GAK: variants seen among roughly 807,000 people sequenced by gnomAD.
GAK encodes cyclin-G-associated kinase.
Under a neutral mutation model 143.9 loss-of-function variants are expected in GAK, and 79 were observed. That is an observed-to-expected ratio of 0.55 (90% CI 0.46 to 0.66). GAK has a LOEUF of 0.66. GAK is among the 30% of genes least tolerant of loss of function. GAK has a pLI of 0.00. For missense variants in GAK, 1,693 were observed against 1,779.7 expected (o/e 0.95, Z 0.88); for synonymous variants, 881 against 765.5 (o/e 1.15, Z -2.49).
At chr4:922,086 C>G (rs1458037011) in intron 1 of GAK, among the ~76,000 whole-genome samples, 1 of 152,182 alleles carries the variant, frequency 6.6e-6, no homozygotes, top group African/African-American at 2.4e-5. Flanking sequence ...GCGGAAGCCC[C>G]AGATGACCCT....
Position 932,190 on chromosome 4 carries a change from C to A in GAK, c.-3G>T. On this transcript the variant is annotated 5_prime_UTR_variant, in exon 1 of 28. Coordinates refer to ENST00000314167, the MANE Select transcript of GAK (RefSeq NM_005255.4). This position sits in a 1 kb window ranked among gnomAD's most constrained non-coding sequence, Gnocchi z 4.0. ...AGCGCCGACTGCAGCAGCGACATGG[C>A]GGTGGCTGCGCCGCACCCCGCGGCA... is the stretch of plus-strand genomic sequence containing the variant. The A allele has an allele frequency of 1.3e-6, 2 of 1,539,952 alleles. No homozygotes were observed. The highest frequency in any genetic ancestry group is 1.7e-6 in the Non-Finnish European group (2 of 1,146,830).
At chr4:868,077 G>C (rs1751537033) in intron 20 of GAK, among the ~76,000 whole-genome samples, 1 of 152,204 alleles carries the variant, frequency 6.6e-6, no homozygotes, top group Non-Finnish European at 1.5e-5. Context: ...GCATCCCTTG[G>C]GGTGTGTCTG....
chr4:885,589 C>T (rs1039749840), intron 11 of GAK, among the ~76,000 whole-genome samples: 1 of 152,160 alleles, frequency 6.6e-6, no homozygotes, highest in African/African-American at 2.4e-5. Context: ...TGTGCTAGGG[C>T]TGCACCGGAT....
intron 17 of GAK, among the ~76,000 whole-genome samples, chr4:876,829 C>T (rs1714005450): frequency 6.6e-6 from 1 of 152,222 alleles, no homozygotes; most frequent in African/African-American, 2.4e-5. Context: ...CTTCACGGGA[C>T]TGCCGTGGGG....
chr4:929,664 C>G (rs1725363401), intron 1 of GAK, among the ~76,000 whole-genome samples: 1 of 148,050 alleles, frequency 6.8e-6, no homozygotes, highest in South Asian at 2.2e-4. Flanking sequence ...TCCTGAGTAA[C>G]AGCAAGACCT....
rs1275373150 is a variant in GAK at position 867,333 on chromosome 4, C to T, written c.2495G>A (p.Gly832Glu). 1 of 1,609,230 alleles carries T rather than the reference C, an allele frequency of 6.2e-7. No individual in the cohort carries two copies. The highest frequency in any genetic ancestry group is 1.7e-5 in the Admixed American group (1 of 59,610). Residue 832 changes from glycine to glutamate, a missense_variant, in exon 21 of 28, where the codon GGG (glycine) becomes GAG (glutamate). Gly to Glu is a moderately conservative substitution (Grantham distance 98). Coordinates refer to ENST00000314167, the MANE Select transcript of GAK (RefSeq NM_005255.4). ...DRDESEVSDE[G>E]GSPISSEGQE... ...GCCCTCGCTGGAGATCGGGGATCCC[C>T]CTTCATCTGACACCTCACTCTCGTC...
intron 9 of GAK, 131 bp from the exon 10 acceptor site, chr4:890,753 G>T: frequency 1.5e-6 from 1 of 671,148 alleles, no homozygotes; most frequent in Non-Finnish European, 2.5e-6. Context: ...ACAGTGCAAG[G>T]GAGGAACTTC....
chr4:910,305 C>A (rs937713962), intron 4 of GAK, among the ~76,000 whole-genome samples: 1 of 134,242 alleles, frequency 7.4e-6, no homozygotes, highest in African/African-American at 2.7e-5. Flanking sequence ...CAGTACAGAG[C>A]CCCCCGCTAA....
intron 23 of GAK, 38 bp downstream of exon 23, chr4:865,084 C>T (rs1369410001): frequency 3.0e-5 from 45 of 1,511,694 alleles, no homozygotes; most frequent in South Asian, 4.7e-5. Flanking sequence ...AGCAGCTGCA[C>T]GTCTGGGAGC....
chr4:926,023 A>G lies in GAK; in HGVS notation c.145+6020T>C, dbSNP rs534518178. 8.6e-5 allele frequency among the ~76,000 whole-genome samples: 13 copies of G among 151,992 alleles called. No individual in the cohort carries two copies. In the South Asian group the frequency reaches 2.7e-3, roughly 31 times the overall value. On this transcript the variant is annotated intron_variant, in intron 1 of 27. Coordinates refer to ENST00000314167, the MANE Select transcript of GAK (RefSeq NM_005255.4). ...TGAGCCCACCCGGGGGTCGTCCCCA[A>G]CAGTGACCTCCCCGAACGTCTAATT... is the stretch of plus-strand genomic sequence containing the variant.
chr4:857,783 G>A (rs1051027019), intron 24 of GAK, among the ~76,000 whole-genome samples: 5 of 151,902 alleles, frequency 3.3e-5, no homozygotes, highest in Non-Finnish European at 5.9e-5. Context: ...CTTTCCTTCC[G>A]CTTGCTGTAG....
At chr4:925,999 G>A (rs768706630) in intron 1 of GAK, among the ~76,000 whole-genome samples, 4 of 152,080 alleles carry the variant, frequency 2.6e-5, no homozygotes, top group Admixed American at 6.6e-5. Flanking sequence ...CCCCAGTGGT[G>A]AGCCCACCCG....
At position 877,177 on chromosome 4, in the gene GAK, C is replaced by T; in HGVS notation, c.1887G>A (p.Val629=). ...RDFKIEDGKA[V]IPLGVTVQGD... Reference sequence around the variant, plus strand: ...CTTGCACCGTGACGCCCAGGGGAATCACCGCTTTGCCATCTTCAATCTTAA... The same window carrying T: ...CTTGCACCGTGACGCCCAGGGGAATTACCGCTTTGCCATCTTCAATCTTAA... The change falls in exon 17 of 28, where the codon GTG becomes GTA. Residue 629 remains valine (V), a synonymous_variant. Transcript: ENST00000314167. 1 of 1,613,900 alleles carries T rather than the reference C, an allele frequency of 6.2e-7. No homozygotes were observed. Among genetic ancestry groups the T allele is most frequent in the Non-Finnish European group, 8.5e-7 (1 of 1,179,826 alleles).
intron 9 of GAK, 49 bp from the exon 10 acceptor site, chr4:890,671 G>C: frequency 6.7e-7 from 1 of 1,502,732 alleles, no homozygotes; most frequent in Non-Finnish European, 9.1e-7. Flanking sequence ...GACAACTCAC[G>C]CCTGCCCACG....
rs1469049283 is a variant in GAK, at chr4:915,987, C to T, written c.146-2319G>A. ...GGTGAAATCTACTAAAGAAAAGCTA[C>T]CATAACAAACGCATTCAGGATGGTT... On this transcript the variant is annotated intron_variant, in intron 1 of 27. Transcript: ENST00000314167. 2.6e-5 allele frequency among the ~76,000 whole-genome samples: 4 copies of T among 152,288 alleles called. No homozygotes were observed. The South Asian group carries it at 8.3e-4, about 32-fold the overall frequency.
intron 9 of GAK, among the ~76,000 whole-genome samples, chr4:893,023 G>C (rs1305767271): frequency 6.6e-6 from 1 of 152,196 alleles, no homozygotes; most frequent in African/African-American, 2.4e-5. Context: ...GCAGGGTCCG[G>C]ACGAAGCAGC....
At chr4:876,804 T>C (rs922844948) in intron 17 of GAK, among the ~76,000 whole-genome samples, 195 bp from the exon 18 acceptor site, 8 of 152,154 alleles carry the variant, frequency 5.3e-5, no homozygotes, top group Admixed American at 4.6e-4. Flanking sequence ...GGAGAACGCA[T>C]GGGCCCACAA....
At chr4:890,398 G>C in intron 10 of GAK, 134 bp downstream of exon 10, 1 of 616,272 alleles carries the variant, frequency 1.6e-6, no homozygotes, top group Non-Finnish European at 2.8e-6. Flanking sequence ...CAGGGACCCT[G>C]ACCTCACAGT....
At chr4:890,700 T>C (rs1717472789) in intron 9 of GAK, 78 bp from the exon 10 acceptor site, 3 of 1,200,094 alleles carry the variant, frequency 2.5e-6, no homozygotes, top group Middle Eastern at 1.9e-4. Context: ...AGGTACGGTA[T>C]GGGTGCCCTC....
Sources: gnomAD v4.1 joint callset for allele counts (sites outside exome capture counted in the v4.1 genomes callset) on GRCh38, gnomAD v4.1.1 for gene constraint, Gnocchi (gnomAD v3.1) non-coding constraint, MANE v1.5 for transcripts, NCBI Gene and HGNC (gene_info 2026-07-23, HGNC 2026-07-21) for gene names.